The following MMP20 variants were observed in gnomAD, a reference collection of about 807,000 sequenced individuals.
MMP20 encodes matrix metalloproteinase-20.
MMP20 carries 50 observed loss-of-function variants against 51.8 expected under a neutral mutation model. That is an observed-to-expected ratio of 0.97 (90% CI 0.77 to 1.22). The LOEUF (loss-of-function observed/expected upper bound fraction) is 1.22, where lower values mean the gene tolerates loss of function less well. Among genes scored for constraint, MMP20 ranks in the 50% most tolerant of loss-of-function variants. The pLI, the probability that MMP20 is intolerant of heterozygous loss-of-function variation, is 0.00. For synonymous variants in MMP20, 244 were observed against 216.2 expected (o/e 1.13, Z -1.13); for missense variants, 663 against 601.4 (o/e 1.10, Z -1.07).
chr11:102,613,007 G>C (rs1463605903), intron 2 of MMP20, among the ~76,000 whole-genome samples: 1 of 152,146 alleles, frequency 6.6e-6, no homozygotes, highest in African/African-American at 2.4e-5. Flanking sequence ...AAAGTGCTCG[G>C]ATTACAGGCG....
chr11:102,617,791 G>A lies in MMP20; in HGVS notation c.127-732C>T, dbSNP rs570843724. Among the ~76,000 whole-genome samples the A allele has an allele frequency of 7.9e-5, 12 of 152,282 alleles. 1 individual carries two copies. Among genetic ancestry groups the A allele is most frequent in the African/African-American group, 2.6e-4 (11 of 41,558 alleles). ...TATATTGTTCAAAACACTTTTCTAT[G>A]ACTCAGGGCTGGGATTAGGGTAAAA... On this transcript the variant is annotated intron_variant, in intron 1 of 9. Transcript: ENST00000260228.
Position 102,593,823 on chromosome 11 carries a change from T to C in MMP20, c.1091-228A>G, listed in dbSNP as rs1434226955. Among the ~76,000 whole-genome samples, 3 of 152,248 alleles carry C rather than the reference T, an allele frequency of 2.0e-5. No homozygotes were observed. In the South Asian group the frequency reaches 6.2e-4, roughly 31 times the overall value. On this transcript the variant is annotated intron_variant, in intron 7 of 9. Coordinates refer to ENST00000260228, the MANE Select transcript of MMP20 (RefSeq NM_004771.4). The stretch of plus-strand genomic sequence containing the variant: ...TGCCTTAAGAAAGCAATAACATTGA[T>C]AAAATTGTGTTTTACATTTAACATA...
intron 2 of MMP20, among the ~76,000 whole-genome samples, chr11:102,616,589 G>A (rs1247470179): frequency 1.3e-5 from 2 of 152,126 alleles, no homozygotes; most frequent in Non-Finnish European, 2.9e-5. Context: ...AAAATTGTTT[G>A]GAATGCCTAA....
chr11:102,623,192 C>CG (rs1646629222), intron 1 of MMP20, among the ~76,000 whole-genome samples: 1 of 152,226 alleles, frequency 6.6e-6, no homozygotes. Flanking sequence ...TGTTTCTAAA[C>CG]GTGCCTAGCT....
chr11:102,602,250 G>A (rs1011786587), intron 6 of MMP20, among the ~76,000 whole-genome samples: 4 of 147,700 alleles, frequency 2.7e-5, no homozygotes, highest in Non-Finnish European at 3.0e-5. Context: ...TTACAGGCTT[G>A]AGCCACCGCG....
chr11:102,622,706 C>T (rs1050301864), intron 1 of MMP20, among the ~76,000 whole-genome samples: 25 of 152,160 alleles, frequency 1.6e-4, no homozygotes, highest in African/African-American at 5.1e-4. Context: ...AGCACCTTCC[C>T]ACCAGCTCCC....
In MMP20 at chr11:102,616,955, C is replaced by T. The variant is rs185057360; in HGVS notation, c.231G>A (p.Ala77=). The T allele has an allele frequency of 4.5e-5, 73 of 1,614,164 alleles. No homozygotes were observed. The highest frequency in any genetic ancestry group is 1.6e-4 in the East Asian group (7 of 44,888). ...TCCCGGTGACTTGGAGGCCAAAGAA[C>T]GCTTGTAGCTCCTTAATCTTCCTTA... ...SMIRKIKELQ[A]FFGLQVTGKL... is the part of the protein sequence containing the mutation. Residue 77 remains alanine, a synonymous_variant, in exon 2 of 10, where the codon GCG becomes GCA. Coordinates refer to ENST00000260228, the MANE Select transcript of MMP20 (RefSeq NM_004771.4).
chr11:102,597,342 T>TA (rs1448506454), intron 6 of MMP20, among the ~76,000 whole-genome samples: 4 of 152,228 alleles, frequency 2.6e-5, no homozygotes, highest in Non-Finnish European at 5.9e-5. Flanking sequence ...GGGTAGTAGT[T>TA]ACGAGCTCAG....
At chr11:102,590,346 G>A (rs775252798) in intron 8 of MMP20, among the ~76,000 whole-genome samples, 1 of 152,174 alleles carries the variant, frequency 6.6e-6, no homozygotes, top group African/African-American at 2.4e-5. Flanking sequence ...GATGTAGCAT[G>A]TAACGGCATC....
chr11:102,580,854 A>G (rs1388748286), intron 8 of MMP20, among the ~76,000 whole-genome samples: 1 of 152,230 alleles, frequency 6.6e-6, no homozygotes, highest in Non-Finnish European at 1.5e-5. Flanking sequence ...GTTCTCGCCA[A>G]TAATCTGTTT....
intron 6 of MMP20, among the ~76,000 whole-genome samples, chr11:102,600,449 C>T (rs1205143922): frequency 6.6e-6 from 1 of 152,108 alleles, no homozygotes; most frequent in Non-Finnish European, 1.5e-5. Flanking sequence ...AATGATCTAT[C>T]TCAACTCTTT....
chr11:102,584,838 A>G (rs565994504), intron 8 of MMP20, among the ~76,000 whole-genome samples: 5 of 152,132 alleles, frequency 3.3e-5, no homozygotes, highest in Admixed American at 6.5e-5. Flanking sequence ...ATTCTTTTGC[A>G]TGTGGCTATC....
rs77997979 is a variant in MMP20 at position 102,611,377 on chromosome 11, T to C, written c.523+378A>G. ...AGGTATTTGCTTCAGTGAGGATTCA[T>C]GGTAGGATATCCTTGGCTAATATAG... is the stretch of plus-strand genomic sequence containing the variant. On this transcript the variant is annotated intron_variant, in intron 3 of 9. Transcript: ENST00000260228. Among the ~76,000 whole-genome samples, 1,027 of 152,332 alleles carry C rather than the reference T, an allele frequency of 6.7e-3. 17 individuals carry two copies. Among genetic ancestry groups the C allele is most frequent in the African/African-American group, 0.024 (977 of 41,574 alleles).
rs1218939574 is a variant in MMP20, at chr11:102,589,323, A to G, written c.1247+4116T>C. Among the ~76,000 whole-genome samples the G allele has an allele frequency of 3.3e-5, 5 of 152,290 alleles. No individual in the cohort carries two copies. In the East Asian group the frequency reaches 7.7e-4, roughly 24 times the overall value. ...TGGAGCTCAGCCATCACTTCCTCTAAGAATTATTTCCTGATAATTTTGCTA... is the reference window on the plus strand; with the variant it reads ...TGGAGCTCAGCCATCACTTCCTCTAGGAATTATTTCCTGATAATTTTGCTA... On this transcript the variant is annotated intron_variant, in intron 8 of 9. Coordinates refer to ENST00000260228, the MANE Select transcript of MMP20 (RefSeq NM_004771.4).
Position 102,599,271 on chromosome 11 carries a change from C to T in MMP20, c.954-4514G>A, listed in dbSNP as rs531284722. On this transcript the variant is annotated intron_variant, in intron 6 of 9. Coordinates refer to ENST00000260228, the MANE Select transcript of MMP20 (RefSeq NM_004771.4). ...CTGACCTCAAGTGATCTGCCTGCCT[C>T]GGCTTCCCAAAGTGCTGGGATTACA... Among the ~76,000 whole-genome samples the T allele has an allele frequency of 7.9e-5, 12 of 152,224 alleles. No individual in the cohort carries two copies. The East Asian group carries it at 1.4e-3, about 17-fold the overall frequency.
At chr11:102,592,573 G>C (rs2064595497) in intron 8 of MMP20, among the ~76,000 whole-genome samples, 1 of 152,202 alleles carries the variant, frequency 6.6e-6, no homozygotes. Flanking sequence ...ATACGTGATA[G>C]AAAATAAAAT....
rs1859134986 is a variant in MMP20 at position 102,577,130 on chromosome 11, A to C, written c.*196T>G. The C allele has an allele frequency of 7.1e-6, 4 of 565,528 alleles. No individual in the cohort carries two copies. Among genetic ancestry groups the C allele is most frequent in the Non-Finnish European group, 1.3e-5 (4 of 316,900 alleles). The allele number at this position is 565,528 out of a possible 1,614,324, so 35.0% of individuals were successfully genotyped here. A position where few individuals can be genotyped will look rare whatever the true frequency, so the allele number is the denominator to read the frequency against. The stretch of plus-strand genomic sequence containing the variant: ...TTCGCATAAAGTTGCCCATATAAAA[A>C]CTTTTCTAATGTGGATTGAAATTCT... On this transcript the variant is annotated 3_prime_UTR_variant, in exon 10 of 10. Coordinates refer to ENST00000260228, the MANE Select transcript of MMP20 (RefSeq NM_004771.4).
chr11:102,603,126 C>T (rs1418942221), intron 6 of MMP20, among the ~76,000 whole-genome samples: 1 of 152,234 alleles, frequency 6.6e-6, no homozygotes, highest in African/African-American at 2.4e-5. Context: ...TGCATTCCAT[C>T]TTGCTTTGGA....
intron 6 of MMP20, chr11:102,605,186 C>T (rs1034960526): frequency 6.6e-6 from 1 of 152,148 alleles, no homozygotes; most frequent in Non-Finnish European, 1.5e-5. Flanking sequence ...ATCATGAGAG[C>T]TCACAGCAAG....
Sources: gnomAD v4.1 joint callset for allele counts (sites outside exome capture counted in the v4.1 genomes callset) on GRCh38, gnomAD v4.1.1 for gene constraint, MANE v1.5 for transcripts, NCBI Gene and HGNC (gene_info 2026-07-23, HGNC 2026-07-21) for gene names.